Variants in HS6ST3 observed in about 807,000 individuals in gnomAD.
The protein encoded by HS6ST3 is heparan sulfate 6-O-sulfotransferase 3, also known as heparan-sulfate 6-O-sulfotransferase 3.
Under a neutral mutation model 36.7 loss-of-function variants are expected in HS6ST3, and 12 were observed. The ratio of observed to expected loss-of-function variants is 0.33; its 90% CI spans 0.21 to 0.53. The LOEUF (loss-of-function observed/expected upper bound fraction) is 0.53. Among genes scored for constraint, HS6ST3 ranks in the 20% least tolerant of loss-of-function variants. The pLI is 0.95. For missense variants in HS6ST3, 584 were observed against 640.9 expected, an observed-to-expected ratio of 0.91 and a Z score of 0.96; for synonymous variants, 240 against 257.5, an observed-to-expected ratio of 0.93 and a Z score of 0.65.
At chr13:96,654,059 G>C (rs962517175) in intron 1 of HS6ST3, among the ~76,000 whole-genome samples, 1 of 152,046 alleles carries the variant, frequency 6.6e-6, no homozygotes, top group South Asian at 2.1e-4. Context: ...GGGGTTGTTT[G>C]TTTTTTACTT....
intron 1 of HS6ST3, among the ~76,000 whole-genome samples, chr13:96,805,351 G>A (rs1475805809): frequency 5.9e-5 from 9 of 152,080 alleles, no homozygotes; most frequent in Admixed American, 5.9e-4. Flanking sequence ...TCCTTCCACC[G>A]TGTAAGATGT....
intron 1 of HS6ST3, among the ~76,000 whole-genome samples, chr13:96,658,296 T>TTTTTTTTTTC (rs1467303957): frequency 6.4e-4 from 56 of 87,414 alleles, no homozygotes; most frequent in African/African-American, 7.3e-4. Context: ...TTTTTTTTTT[T>TTTTTTTTTTC]TTGAGATGGC....
At chr13:96,801,922 T>C (rs1878082861) in intron 1 of HS6ST3, among the ~76,000 whole-genome samples, 1 of 152,124 alleles carries the variant, frequency 6.6e-6, no homozygotes, top group Non-Finnish European at 1.5e-5. Flanking sequence ...CACAGGAAGA[T>C]CAATAGCTCA....
rs1874784261 is a variant in HS6ST3, at chr13:96,686,491, A to G, written c.708-145999A>G. Among the ~76,000 whole-genome samples the G allele has an allele frequency of 2.0e-5, 3 of 152,058 alleles. No homozygotes were observed. In the South Asian group the frequency reaches 6.2e-4, roughly 31 times the overall value. On this transcript the variant is annotated intron_variant, in intron 1 of 1. Coordinates refer to ENST00000376705, the MANE Select transcript of HS6ST3 (RefSeq NM_153456.4). Reference sequence around the variant, plus strand: ...TCCATGGCTTGTGCTGACTAAGCACATCTGAGAAGCTTTGATCATCGTTTT... The same window carrying G: ...TCCATGGCTTGTGCTGACTAAGCACGTCTGAGAAGCTTTGATCATCGTTTT...
chr13:96,546,499 C>T (rs72641888), intron 1 of HS6ST3, among the ~76,000 whole-genome samples: 10,695 of 152,158 alleles, frequency 0.07, 427 homozygotes, highest in Middle Eastern at 0.095. Flanking sequence ...ATAAATCATT[C>T]CACTATTAAT....
At chr13:96,309,064 TACACA>T (rs1385663645) in intron 1 of HS6ST3, among the ~76,000 whole-genome samples, 1 of 152,146 alleles carries the variant, frequency 6.6e-6, no homozygotes, top group East Asian at 1.9e-4. Flanking sequence ...TGAGATCAAA[TACACA>T]CTTGGCATAG....
chr13:96,170,231 T>C (rs1287360458), intron 1 of HS6ST3, among the ~76,000 whole-genome samples: 1 of 152,212 alleles, frequency 6.6e-6, no homozygotes, highest in East Asian at 1.9e-4. Context: ...CAGCCACTTA[T>C]ATTCAATCTG....
intron 1 of HS6ST3, among the ~76,000 whole-genome samples, chr13:96,377,872 T>C (rs1332844594): frequency 1.3e-5 from 2 of 152,114 alleles, no homozygotes; most frequent in Non-Finnish European, 2.9e-5. Flanking sequence ...ATTAGAGAAA[T>C]GTTGTGTTAC....
chr13:96,680,632 A>T (rs932044087), intron 1 of HS6ST3, among the ~76,000 whole-genome samples: 2 of 152,174 alleles, frequency 1.3e-5, no homozygotes, highest in Non-Finnish European at 2.9e-5. Context: ...AAGAGGTTAG[A>T]TCACAGTTCT....
chr13:96,093,341 G>A (rs1227844904), intron 1 of HS6ST3, among the ~76,000 whole-genome samples: 1 of 152,130 alleles, frequency 6.6e-6, no homozygotes, highest in African/African-American at 2.4e-5. Flanking sequence ...GATGAATAAT[G>A]TTACTACAGA....
intron 1 of HS6ST3, among the ~76,000 whole-genome samples, chr13:96,634,682 T>C (rs971722181): frequency 2.6e-5 from 4 of 152,212 alleles, no homozygotes; most frequent in South Asian, 2.1e-4. Flanking sequence ...TCTTTCCTAC[T>C]GAGCCTCCGG....
At chr13:96,749,113 A>C (rs1209478800) in intron 1 of HS6ST3, among the ~76,000 whole-genome samples, 1 of 152,156 alleles carries the variant, frequency 6.6e-6, no homozygotes, top group Admixed American at 6.6e-5. Flanking sequence ...TATTAAAACT[A>C]TCTAAAATGA....
At chr13:96,213,961 A>G (rs2054411697) in intron 1 of HS6ST3, among the ~76,000 whole-genome samples, 1 of 152,162 alleles carries the variant, frequency 6.6e-6, no homozygotes, top group Non-Finnish European at 1.5e-5. Context: ...AGAATAATGT[A>G]ACAGCACCTA....
intron 1 of HS6ST3, among the ~76,000 whole-genome samples, chr13:96,737,664 A>G (rs1011895119): frequency 1.4e-5 from 2 of 144,540 alleles, no homozygotes; most frequent in Non-Finnish European, 3.0e-5. Context: ...AAAAGAGATT[A>G]TTTTCAAACC....
chr13:96,256,829 A>G (rs2054639674), intron 1 of HS6ST3, among the ~76,000 whole-genome samples: 1 of 152,150 alleles, frequency 6.6e-6, no homozygotes, highest in African/African-American at 2.4e-5. Flanking sequence ...GAATTGCAGC[A>G]TATTTTATCA....
intron 1 of HS6ST3, among the ~76,000 whole-genome samples, chr13:96,371,692 C>T (rs1462021795): frequency 6.6e-6 from 1 of 152,148 alleles, no homozygotes; most frequent in Non-Finnish European, 1.5e-5. Flanking sequence ...TTAGATACCA[C>T]ATTTAAGTCA....
At chr13:96,748,337 C>A (rs1451570039) in intron 1 of HS6ST3, among the ~76,000 whole-genome samples, 1 of 152,112 alleles carries the variant, frequency 6.6e-6, no homozygotes, top group Non-Finnish European at 1.5e-5. Context: ...CTTGTCTACC[C>A]CTGTAATCCA....
intron 1 of HS6ST3, among the ~76,000 whole-genome samples, chr13:96,569,198 A>G (rs891123397): frequency 7.2e-4 from 109 of 152,344 alleles, no homozygotes; most frequent in African/African-American, 2.4e-3. Context: ...TAGACGTTCA[A>G]TAGCTACTTG....
At chr13:96,713,562 C>T (rs748747196) in intron 1 of HS6ST3, among the ~76,000 whole-genome samples, 3 of 152,126 alleles carry the variant, frequency 2.0e-5, no homozygotes, top group Non-Finnish European at 2.9e-5. Flanking sequence ...GATTATGCTA[C>T]TGAGTAATTT....
Sources: gnomAD v4.1 joint callset for allele counts (sites outside exome capture counted in the v4.1 genomes callset) on GRCh38, gnomAD v4.1.1 for gene constraint, MANE v1.5 for transcripts, NCBI Gene and HGNC (gene_info 2026-07-23, HGNC 2026-07-21) for gene names.